FASN: variants seen among roughly 807,000 people sequenced by gnomAD.
FASN encodes 3-hydroxyacyl-[acyl-carrier-protein] dehydratase.
A neutral mutation model predicts 250.0 loss-of-function variants in FASN; 50 were observed. That is an observed-to-expected ratio of 0.20 (90% CI 0.16 to 0.25). The LOEUF is 0.25. Ranked by LOEUF, FASN falls within the 10% of genes least tolerant of loss-of-function variation. The pLI is 1.00. For synonymous variants in FASN, 1,909 were observed against 1,584.0 expected (o/e 1.21, Z -4.87); for missense variants, 3,031 against 3,498.5 (o/e 0.87, Z 3.37).
At position 82,089,099 on chromosome 17, in the gene FASN, C is replaced by A. The variant is rs773964572; in HGVS notation, c.2174G>T (p.Ser725Ile). The change falls in exon 14 of 43, where the codon AGC (serine) becomes ATC (isoleucine). Residue 725 changes from serine to isoleucine, a missense_variant. Ser to Ile is a moderately radical substitution (Grantham distance 142). Coordinates refer to ENST00000306749, the MANE Select transcript of FASN (RefSeq NM_004104.5). The stretch of plus-strand genomic sequence containing the variant: ...CTCGGCGGAGGACGTGCGTGCCAGG[C>A]TGCTGTGCCACTGGGCCTCGGGGAT... ...TSIPEAQWHS[S>I]LARTSSAEYN... 2.5e-6 allele frequency: 4 copies of A among 1,572,258 alleles called. No homozygotes were observed. In the South Asian group the frequency reaches 4.6e-5, roughly 18 times the overall value.
intron 4 of FASN, 66 bp from the exon 5 acceptor site, chr17:82,093,485 T>A: frequency 1.3e-6 from 2 of 1,580,716 alleles, no homozygotes; most frequent in South Asian, 1.1e-5. Flanking sequence ...GCACACCTCC[T>A]GCCACCAGGC....
In FASN at chr17:82,091,676, C is replaced by T. The variant is rs2034212243; in HGVS notation, c.1038G>A (p.Leu346=). The T allele has an allele frequency of 1.9e-6, 3 of 1,582,834 alleles. No homozygotes were observed. Among genetic ancestry groups the T allele is most frequent in the East Asian group, 2.3e-5 (1 of 43,798 alleles). Residue 346 remains leucine, a synonymous_variant, in exon 9 of 43, where the codon CTG becomes CTA. Transcript: ENST00000306749. ...GGGCCCAGAGCCCGTGCTCCAGGGA[C>T]AGCAGCACCTGCGGGGGTACGTGGT... ...SGLAALAKVL[L]SLEHGLWAPN... is the part of the protein sequence containing the mutation.
chr17:82,091,264 G>T lies in FASN; in HGVS notation c.1450C>A (p.Gln484Lys). Reference sequence around the variant, plus strand: ...AGCGGGCGCTCGCCAGCGGGCACCTGCTGCACCTCTGGGCCACCGCGCTCA... The same window carrying T: ...AGCGGGCGCTCGCCAGCGGGCACCTTCTGCACCTCTGGGCCACCGCGCTCA... ...GGERGGPEVQ[Q>K]VPAGERPLWF... The change falls in exon 9 of 43, where the codon CAG becomes AAG. Residue 484 changes from glutamine (Q) to lysine (K), a missense_variant. Transcript: ENST00000306749. The T allele has an allele frequency of 3.7e-6, 6 of 1,603,768 alleles. No homozygotes were observed. Among genetic ancestry groups the T allele is most frequent in the Non-Finnish European group, 5.1e-6 (6 of 1,175,414 alleles).
rs1396310294 is a variant in FASN at position 82,086,299 on chromosome 17, G to C, written c.3687C>G (p.Asp1229Glu). The change falls in exon 22 of 43, where the codon GAC (aspartate) becomes GAG (glutamate). Residue 1229 changes from aspartate to glutamate, a missense_variant. Physicochemically the swap from Asp to Glu is conservative, Grantham distance 45 (BLOSUM62 2). Coordinates refer to ENST00000306749, the MANE Select transcript of FASN (RefSeq NM_004104.5). The part of the protein sequence containing the change: ...LDSPALKACL[D>E]TAVENMPSLK... ...GGCTGGGCATGTTCTCCACGGCAGT[G>C]TCCAGGCAGGCCTTGAGTGCCGGGG... 6.3e-7 allele frequency: 1 copy of C among 1,596,288 alleles called. No individual in the cohort carries two copies. The highest frequency in any genetic ancestry group is 2.2e-5 in the East Asian group (1 of 44,528).
Position 82,088,014 on chromosome 17 carries a change from G to A in FASN, c.2806C>T (p.Arg936Trp), listed in dbSNP as rs770930583. The part of the protein sequence containing the change: ...PKTGTVSLEV[R>W]LLEASRAFEV... ...AAGGCACGGGAGGCCTCCAGGAGCCGTACCTCCAGGGACACTGTCCCTGCA... is the reference window on the plus strand; with the variant it reads ...AAGGCACGGGAGGCCTCCAGGAGCCATACCTCCAGGGACACTGTCCCTGCA... The change falls in exon 18 of 43, where the codon CGG becomes TGG. Residue 936 changes from arginine to tryptophan, a missense_variant. Physicochemically the swap from Arg to Trp is moderately radical, Grantham distance 101. Transcript: ENST00000306749. 19 of 1,612,752 alleles carry A rather than the reference G, an allele frequency of 1.2e-5. No individual in the cohort carries two copies. In the Middle Eastern group the frequency reaches 8.2e-4, roughly 70 times the overall value.
rs1489312867 is a variant in FASN at position 82,090,979 on chromosome 17, T to C, written c.1583A>G (p.Lys528Arg). The C allele has an allele frequency of 1.9e-6, 3 of 1,612,760 alleles. No homozygotes were observed. In the East Asian group the frequency reaches 6.7e-5, roughly 36 times the overall value. Residue 528 changes from lysine to arginine, a missense_variant, in exon 10 of 43, where the codon AAG becomes AGG. Coordinates refer to ENST00000306749, the MANE Select transcript of FASN (RefSeq NM_004104.5). ...DSILRSDEAVKPFGLKVSQLL... is the reference protein window; with the variant it reads ...DSILRSDEAVRPFGLKVSQLL... ...CTGTGACACCTTCAGGCCGAATGGCTTCACAGCCTCATCGGAGCGTAGGAT... is the reference window on the plus strand; with the variant it reads ...CTGTGACACCTTCAGGCCGAATGGCCTCACAGCCTCATCGGAGCGTAGGAT...
rs1363726036 is a variant in FASN, at chr17:82,079,606, C to A, written c.7149G>T (p.Val2383=). 2 of 1,599,724 alleles carry A rather than the reference C, an allele frequency of 1.3e-6. No individual in the cohort carries two copies. Among genetic ancestry groups the A allele is most frequent in the African/African-American group, 1.3e-5 (1 of 75,054 alleles). Residue 2383 remains valine (V), a splice_region_variant and synonymous_variant, in exon 42 of 43, where the codon GTG becomes GTT. Transcript: ENST00000306749. ...QQFTDMEHNR[V]LEALLPLKGL... is the part of the protein sequence containing the mutation. ...CCTTCAGCGGCAGCAGCGCCTCCAGCACCTGTGGGGTCGGGCTCTGAGCAG... is the reference window on the plus strand; with the variant it reads ...CCTTCAGCGGCAGCAGCGCCTCCAGAACCTGTGGGGTCGGGCTCTGAGCAG...
intron 2 of FASN, 90 bp from the exon 3 acceptor site, chr17:82,095,562 G>T: frequency 6.7e-7 from 1 of 1,481,606 alleles, no homozygotes; most frequent in Non-Finnish European, 9.3e-7. Flanking sequence ...GAGGGGCCAT[G>T]GTGGAACTGA....
At position 82,089,189 on chromosome 17, in the gene FASN, G is replaced by A. The variant is rs1037446979; in HGVS notation, c.2101-17C>T. On this transcript the variant is annotated splice_polypyrimidine_tract_variant and intron_variant, in intron 13 of 42. Coordinates refer to ENST00000306749, the MANE Select transcript of FASN (RefSeq NM_004104.5). ...CCGGATCACCTGCATGAGGGGCCAG[G>A]TCAGTGCTGGGTTGTGGGTCCCCTG... 3.6e-5 allele frequency: 57 copies of A among 1,596,086 alleles called. No homozygotes were observed. Among genetic ancestry groups the A allele is most frequent in the Non-Finnish European group, 4.7e-5 (55 of 1,171,882 alleles).
At position 82,080,799 on chromosome 17, in the gene FASN, G is replaced by A. The variant is rs17848948; in HGVS notation, c.6719C>T (p.Ser2240Leu). 3.2e-5 allele frequency: 52 copies of A among 1,607,388 alleles called. No homozygotes were observed. The highest frequency in any genetic ancestry group is 1.7e-5 in the Admixed American group (1 of 59,100). ...TLMRLNSVQS[S>L]ERPLFLVHPI... ...GTGCACCAGGAACAGGGGCCGCTCC[G>A]AGCTCTGCACGGAGTTGAGCCGCAT... is the stretch of plus-strand genomic sequence containing the variant. The change falls in exon 39 of 43, where the codon TCG becomes TTG. Residue 2240 changes from serine (S) to leucine (L), a missense_variant. Ser to Leu is a moderately radical substitution (Grantham distance 145). Transcript: ENST00000306749.
In FASN at chr17:82,083,125, A is replaced by G; in HGVS notation, c.5566-10T>C. ...GCTCCTCCGCAAGCACCTGCGTCCA[A>G]GCAGCACCCACCGGCTCAGGCACTG... On this transcript the variant is annotated splice_polypyrimidine_tract_variant and intron_variant, in intron 32 of 42. Transcript: ENST00000306749. 1 of 1,610,150 alleles carries G rather than the reference A, an allele frequency of 6.2e-7. No individual in the cohort carries two copies. The highest frequency in any genetic ancestry group is 8.5e-7 in the Non-Finnish European group (1 of 1,179,914).
chr17:82,082,361 G>A lies in FASN; in HGVS notation c.5973C>T (p.Val1991=), dbSNP rs777521610. ...GGGTGCCGCTGTACTTGGGCTTGCAGACGTCCTGGAAGAACTCTGGGGTCT... is the reference window on the plus strand; with the variant it reads ...GGGTGCCGCTGTACTTGGGCTTGCAAACGTCCTGGAAGAACTCTGGGGTCT... The part of the protein sequence containing the change: ...ENQTPEFFQD[V]CKPKYSGTLN... Residue 1991 remains valine, a synonymous_variant, in exon 35 of 43, where the codon GTC becomes GTT. Transcript: ENST00000306749. The A allele has an allele frequency of 2.5e-6, 4 of 1,612,928 alleles. No homozygotes were observed. In the South Asian group the frequency reaches 3.3e-5, roughly 13 times the overall value.
chr17:82,078,859 CG>C lies in FASN; in HGVS notation c.*283del. The C allele has an allele frequency of 1.8e-6, 1 of 555,130 alleles. No individual in the cohort carries two copies. Among genetic ancestry groups the C allele is most frequent in the South Asian group, 2.0e-5 (1 of 50,040 alleles). The allele number at this position is 555,130 out of a possible 1,614,324, so 34.4% of individuals were successfully genotyped here. On this transcript the variant is annotated 3_prime_UTR_variant, in exon 43 of 43. Transcript: ENST00000306749. The surrounding 1 kb of genome is among the most constrained non-coding windows in gnomAD (Gnocchi z 5.4). The stretch of plus-strand genomic sequence containing the variant: ...ACAGAAAGACCAAGCGCAGACCCCA[CG>C]GGCGCACGAGGCCCAGCCCAGTTCC...
At chr17:82,079,989 T>A in intron 41 of FASN, 151 bp downstream of exon 41, 1 of 882,550 alleles carries the variant, frequency 1.1e-6, no homozygotes, top group Non-Finnish European at 1.8e-6. Context: ...ATTACAGGCA[T>A]GAGCAACCGC....
Position 82,096,324 on chromosome 17 carries a change from T to A in FASN, c.122A>T (p.Lys41Met). The A allele has an allele frequency of 6.2e-7, 1 of 1,612,622 alleles. No homozygotes were observed. Among genetic ancestry groups the A allele is most frequent in the Non-Finnish European group, 8.5e-7 (1 of 1,179,964 alleles). Residue 41 changes from lysine (K) to methionine (M), a missense_variant, in exon 2 of 43, where the codon AAG becomes ATG. By Grantham distance (95) the Lys-to-Met change is moderately conservative. Coordinates refer to ENST00000306749, the MANE Select transcript of FASN (RefSeq NM_004104.5). ...GGAGCCCCGCAGCCACATACCCGCC[T>A]TCCAGCGACGGTCATCGTCCGTGAC... ...DMVTDDDRRW[K>M]AGLYGLPRRS... is the part of the protein sequence containing the mutation.
chr17:82,080,103 T>G (rs776585959), intron 41 of FASN, 37 bp downstream of exon 41: 23 of 1,591,266 alleles, frequency 1.4e-5, no homozygotes, highest in Non-Finnish European at 1.8e-5. Flanking sequence ...TGCCCAGTAC[T>G]CTGGGTCCTG....
Position 82,078,373 on chromosome 17 carries a change from G to C in FASN, c.*770C>G, listed in dbSNP as rs2144775427. On this transcript the variant is annotated 3_prime_UTR_variant, in exon 43 of 43. Transcript: ENST00000306749. The surrounding 1 kb of genome is among the most constrained non-coding windows in gnomAD (Gnocchi z 5.4). ...ATGCGGTTTAATTGTGGGAGGCTGA[G>C]AGCAGCATTTTTACCAAATTGGTGT... 1 of 152,468 alleles carries C rather than the reference G, an allele frequency of 6.6e-6. No individual in the cohort carries two copies. The highest frequency in any genetic ancestry group is 2.1e-4 in the South Asian group (1 of 4,834). The allele number at this position is 152,468 out of a possible 1,614,324, so 9.4% of individuals were successfully genotyped here.
intron 5 of FASN, 69 bp from the exon 6 acceptor site, chr17:82,093,088 C>A: frequency 1.3e-6 from 2 of 1,598,358 alleles, no homozygotes; most frequent in South Asian, 2.2e-5. Flanking sequence ...AGGAGGAGCT[C>A]TGGGGTGTGG....
chr17:82,079,970 A>C (rs2033958241), intron 41 of FASN, 170 bp downstream of exon 41: 1 of 765,600 alleles, frequency 1.3e-6, no homozygotes, highest in Admixed American at 2.2e-5. Context: ...AGCCTCCCAA[A>C]GTGCCGGGAT....
Sources: allele counts gnomAD v4.1 joint callset, GRCh38; gene constraint gnomAD v4.1.1; non-coding constraint Gnocchi (gnomAD v3.1); transcripts MANE v1.5; gene names NCBI Gene and HGNC (gene_info 2026-07-23, HGNC 2026-07-21).